Variants in PPM1K observed in about 807,000 individuals in gnomAD.
PPM1K encodes the protein protein phosphatase, Mg2+/Mn2+ dependent 1K, also known as protein phosphatase Mn(2+)-dependent 1K.
A neutral mutation model predicts 32.6 loss-of-function variants in PPM1K; 19 were observed. That is an observed-to-expected ratio of 0.58 (90% CI 0.41 to 0.86). The LOEUF (loss-of-function observed/expected upper bound fraction) is 0.86. Among genes scored for constraint, PPM1K ranks in the 40% least tolerant of loss-of-function variants. The pLI, the probability that PPM1K is intolerant of heterozygous loss-of-function variation, is 0.00. For missense variants in PPM1K, 362 were observed against 461.2 expected, an observed-to-expected ratio of 0.78 and a Z score of 1.97; for synonymous variants, 159 against 165.3, an observed-to-expected ratio of 0.96 and a Z score of 0.29.
At chr4:88,281,906 A>C (rs1322038573) in intron 1 of PPM1K, among the ~76,000 whole-genome samples, 3 of 152,150 alleles carry the variant, frequency 2.0e-5, no homozygotes, top group African/African-American at 7.2e-5. Context: ...CATGGGAATG[A>C]CTATGCTTTG....
At chr4:88,265,782 C>T (rs968560474) in intron 5 of PPM1K, among the ~76,000 whole-genome samples, 17 of 152,216 alleles carry the variant, frequency 1.1e-4, no homozygotes, top group Non-Finnish European at 4.4e-5. Flanking sequence ...GAGGTAATCA[C>T]GCCTAACAAT....
At chr4:88,274,410 A>C (rs1477492626) in intron 3 of PPM1K, among the ~76,000 whole-genome samples, 1 of 151,070 alleles carries the variant, frequency 6.6e-6, no homozygotes, top group Non-Finnish European at 1.5e-5. Flanking sequence ...GTTCAATCCA[A>C]ATAATTATTG....
intron 1 of PPM1K, among the ~76,000 whole-genome samples, chr4:88,280,830 T>C (rs1231145572): frequency 6.6e-6 from 1 of 152,068 alleles, no homozygotes; most frequent in Admixed American, 6.6e-5. Context: ...GCCTGAGCAA[T>C]GGAGCAAGAC....
chr4:88,271,956 T>C (rs1281541458), intron 3 of PPM1K, among the ~76,000 whole-genome samples: 2 of 152,156 alleles, frequency 1.3e-5, no homozygotes, highest in Non-Finnish European at 2.9e-5. Context: ...ATTCACAAAA[T>C]GGGTATTTCT....
chr4:88,280,486 C>T (rs764725026), intron 1 of PPM1K, among the ~76,000 whole-genome samples: 23 of 152,150 alleles, frequency 1.5e-4, no homozygotes, highest in Non-Finnish European at 3.2e-4. Flanking sequence ...TTAACATGGC[C>T]GGACCCGGTG....
chr4:88,272,054 C>T (rs903711857), intron 3 of PPM1K, among the ~76,000 whole-genome samples: 1 of 152,122 alleles, frequency 6.6e-6, no homozygotes, highest in Non-Finnish European at 1.5e-5. Flanking sequence ...AGAGCAAAAG[C>T]TATACTTTTC....
intron 3 of PPM1K, chr4:88,274,901 T>G (rs987107641): frequency 2.0e-5 from 6 of 301,974 alleles, no homozygotes; most frequent in Non-Finnish European, 2.4e-5. Context: ...ACACTAATTT[T>G]TAAAAAACAC....
In PPM1K at chr4:88,268,218, A is replaced by T; in HGVS notation, c.824T>A (p.Ile275Lys). Residue 275 changes from isoleucine to lysine, a missense_variant, in exon 5 of 7, where the codon ATA (isoleucine) becomes AAA (lysine). Transcript: ENST00000608933. ...GDLDLKTSGV[I>K]AEPETKRIKL... ...AATCCTCTTAGTTTCAGGTTCTGCT[A>T]TGACACCACTGGTCTTAAGGTCCAA... The T allele has an allele frequency of 1.2e-6, 2 of 1,614,150 alleles. No homozygotes were observed. Among genetic ancestry groups the T allele is most frequent in the Non-Finnish European group, 1.7e-6 (2 of 1,180,018 alleles).
Position 88,280,703 on chromosome 4 carries a change from C to T in PPM1K, c.-59-2061G>A, listed in dbSNP as rs149841884. On this transcript the variant is annotated intron_variant, in intron 1 of 6. Coordinates refer to ENST00000608933, the MANE Select transcript of PPM1K (RefSeq NM_152542.5). ...GCTTGAGCCCAGGAGTTTGAGACTA[C>T]CCTGGGCAACATGGTGAAACCCTGT... 8.1e-3 allele frequency among the ~76,000 whole-genome samples: 1,226 copies of T among 152,158 alleles called. 6 individuals are homozygous for T. The highest frequency in any genetic ancestry group is 0.017 in the Middle Eastern group (5 of 294).
intron 5 of PPM1K, among the ~76,000 whole-genome samples, chr4:88,265,916 G>C (rs4693209): frequency 0.56 from 84,488 of 152,100 alleles, 24,868 homozygotes; most frequent in African/African-American, 0.77. Context: ...GTCTCTAAGA[G>C]CAGGCTTCTA....
At chr4:88,277,691 G>A in intron 2 of PPM1K, 2 of 195,094 alleles carry the variant, frequency 1.0e-5, no homozygotes, top group South Asian at 2.3e-4. Flanking sequence ...ATAAACGGAA[G>A]AGCTCCAAAA....
intron 1 of PPM1K, among the ~76,000 whole-genome samples, chr4:88,281,689 C>T (rs192244243): frequency 1.1e-4 from 16 of 152,154 alleles, no homozygotes; most frequent in Non-Finnish European, 2.2e-4. Context: ...CGAGATGTTA[C>T]GAACTGGCTC....
intron 3 of PPM1K, chr4:88,271,044 G>A (rs780854432): frequency 3.9e-6 from 2 of 517,576 alleles, no homozygotes; most frequent in Non-Finnish European, 7.7e-6. Flanking sequence ...GGGACAAAGA[G>A]ATGTGGGAAC....
At position 88,268,831 on chromosome 4, in the gene PPM1K, A is replaced by G. The variant is rs1251922620; in HGVS notation, c.617T>C (p.Val206Ala). 1.2e-6 allele frequency: 2 copies of G among 1,613,918 alleles called. No homozygotes were observed. The highest frequency in any genetic ancestry group is 1.7e-6 in the Non-Finnish European group (2 of 1,179,924). ...ACACAAAATAGCCCGGCTGTCCCCA[A>G]CACTGGCTACAACCAGTTCAATACC... ...RDGIELVVAS[V>A]GDSRAILCRK... Residue 206 changes from valine (V) to alanine (A), a missense_variant, in exon 4 of 7, where the codon GTT becomes GCT. Val to Ala is a moderately conservative substitution (Grantham distance 64). Transcript: ENST00000608933.
intron 1 of PPM1K, among the ~76,000 whole-genome samples, chr4:88,280,482 T>G (rs1309613853): frequency 2.0e-5 from 3 of 152,186 alleles, no homozygotes; most frequent in Non-Finnish European, 4.4e-5. Context: ...AGAATTAACA[T>G]GGCCGGACCC....
At chr4:88,272,476 T>C (rs1731602949) in intron 3 of PPM1K, among the ~76,000 whole-genome samples, 1 of 152,194 alleles carries the variant, frequency 6.6e-6, no homozygotes, top group Non-Finnish European at 1.5e-5. Flanking sequence ...GTTTAAGCAA[T>C]CTGGAAACAC....
rs1326153471 is a variant in PPM1K at position 88,259,287 on chromosome 4, C to G, written c.*3308G>C. 2.0e-5 allele frequency: 3 copies of G among 147,650 alleles called. No individual in the cohort carries two copies. The highest frequency in any genetic ancestry group is 2.0e-4 in the Admixed American group (3 of 14,874). The allele number at this position is 147,650 out of a possible 1,614,324, so 9.1% of individuals were successfully genotyped here. A position where few individuals can be genotyped will look rare whatever the true frequency, so the allele number is the denominator to read the frequency against. On this transcript the variant is annotated 3_prime_UTR_variant, in exon 7 of 7. Transcript: ENST00000608933. ...TCTCAAAAAAAAAAAAAAAGAAATA[C>G]AAAATCTGTAACAAACGAACAGCTG...
intron 5 of PPM1K, among the ~76,000 whole-genome samples, chr4:88,266,043 G>A (rs1018751526): frequency 4.6e-5 from 7 of 152,208 alleles, no homozygotes; most frequent in African/African-American, 1.7e-4. Flanking sequence ...ACAGAGCCCA[G>A]CACATAGTAA....
intron 3 of PPM1K, chr4:88,276,737 T>C: frequency 1.0e-6 from 1 of 989,654 alleles, no homozygotes; most frequent in Non-Finnish European, 1.2e-6. Flanking sequence ...CTAGATGTGA[T>C]TACCCTGTAG....
Sources: gnomAD v4.1 joint callset for allele counts (sites outside exome capture counted in the v4.1 genomes callset) on GRCh38, gnomAD v4.1.1 for gene constraint, MANE v1.5 for transcripts, NCBI Gene and HGNC (gene_info 2026-07-23, HGNC 2026-07-21) for gene names.